Variants in GRB10 observed in about 807,000 individuals in gnomAD.
GRB10 encodes growth factor receptor bound protein 10.
A neutral mutation model predicts 80.9 loss-of-function variants in GRB10; 20 were observed. That is an observed-to-expected ratio of 0.25 (90% CI 0.17 to 0.36). The LOEUF is 0.36. Ranked by LOEUF, GRB10 falls within the 10% of genes least tolerant of loss-of-function variation. The pLI, the probability that GRB10 is intolerant of heterozygous loss-of-function variation, is 1.00. For missense variants in GRB10, 548 were observed against 747.7 expected (o/e 0.73, Z 3.12); for synonymous variants, 291 against 291.5 (o/e 1.00, Z 0.02).
intron 6 of GRB10, among the ~76,000 whole-genome samples, chr7:50,673,880 C>T (rs939996550): frequency 3.9e-5 from 6 of 152,208 alleles, no homozygotes; most frequent in African/African-American, 1.4e-4. Context: ...CACCCTTTGA[C>T]ATCCGTTCAG....
In GRB10 at chr7:50,604,384, A is replaced by G. The variant is rs1475943971; in HGVS notation, c.1390-7T>C. The G allele has an allele frequency of 6.2e-7, 1 of 1,611,082 alleles. No individual in the cohort carries two copies. Among genetic ancestry groups the G allele is most frequent in the Non-Finnish European group, 8.5e-7 (1 of 1,178,284 alleles). ...TCATCCGTGTGCTTCGCTTCTGCAA[A>G]AGAAATCCCACATTAGCACCGAGGA... is the stretch of plus-strand genomic sequence containing the variant. On this transcript the variant is annotated splice_region_variant and splice_polypyrimidine_tract_variant and intron_variant, in intron 15 of 18. Transcript: ENST00000401949.
intron 7 of GRB10, among the ~76,000 whole-genome samples, chr7:50,654,411 C>G (rs1586421859): frequency 1.3e-5 from 2 of 152,188 alleles, no homozygotes; most frequent in Non-Finnish European, 2.9e-5. Flanking sequence ...GCAAGGGCAC[C>G]TCTGCAGAGC....
rs71018485 is a variant in GRB10 at position 50,777,429 on chromosome 7, TACACAC to T, written c.-217+3192_-217+3197del. 3.6e-3 allele frequency among the ~76,000 whole-genome samples: 531 copies of T among 146,270 alleles called. 4 individuals are homozygous for T. Among genetic ancestry groups the T allele is most frequent in the African/African-American group, 5.6e-3 (222 of 39,430 alleles). On this transcript the variant is annotated intron_variant, in intron 2 of 18. Transcript: ENST00000401949. ...TACATTCAGACCACAGCAATCTGTA[TACACAC>T]ACACACACACACACACACACACACC...
intron 4 of GRB10, among the ~76,000 whole-genome samples, chr7:50,721,772 G>T (rs2067790734): frequency 1.3e-5 from 2 of 152,160 alleles, no homozygotes; most frequent in Admixed American, 1.3e-4. Context: ...GGCTGAGGAT[G>T]GGGGAGGACA....
At chr7:50,766,601 TA>T (rs5884169) in intron 2 of GRB10, among the ~76,000 whole-genome samples, 114,087 of 151,938 alleles carry the variant, frequency 0.75, 43,298 homozygotes, top group Middle Eastern at 0.89. Flanking sequence ...GTGCGAGGAG[TA>T]AATAGTTTGG....
intron 4 of GRB10, chr7:50,725,904 AGGAAAAACCAGACAGT>A (rs1236465035): frequency 6.6e-6 from 1 of 152,238 alleles, no homozygotes; most frequent in Non-Finnish European, 1.5e-5. Flanking sequence ...CACGGTGCCA[AGGAAAAACCAGACAGT>A]GGAATGGTTA....
At chr7:50,653,268 G>A (rs2058209840) in intron 7 of GRB10, among the ~76,000 whole-genome samples, 1 of 152,210 alleles carries the variant, frequency 6.6e-6, no homozygotes, top group South Asian at 2.1e-4. Context: ...GCAGCAGGAG[G>A]TAGCCACAGC....
intron 2 of GRB10, among the ~76,000 whole-genome samples, chr7:50,777,431 C>T (rs79621057): frequency 2.8e-5 from 3 of 105,748 alleles, no homozygotes; most frequent in African/African-American, 1.1e-4. Flanking sequence ...AATCTGTATA[C>T]ACACACACAC....
chr7:50,650,190 T>C (rs901581073), intron 7 of GRB10, among the ~76,000 whole-genome samples: 2 of 152,176 alleles, frequency 1.3e-5, no homozygotes, highest in African/African-American at 4.8e-5. Context: ...AGCAAGTTTC[T>C]AGGAATCAAA....
Position 50,606,411 on chromosome 7 carries a change from C to T in GRB10, c.1198G>A (p.Gly400Arg), listed in dbSNP as rs2048531980. 1 of 1,613,488 alleles carries T rather than the reference C, an allele frequency of 6.2e-7. No individual in the cohort carries two copies. Among genetic ancestry groups the T allele is most frequent in the African/African-American group, 1.3e-5 (1 of 74,900 alleles). The change falls in exon 14 of 19, where the codon GGA becomes AGA. Residue 400 changes from glycine (G) to arginine (R), a missense_variant. Gly to Arg is a moderately radical substitution (Grantham distance 125, BLOSUM62 -2). This residue lies in a region of GRB10 where 270 missense variants were observed against 433.6 expected (regional missense o/e 0.62). Transcript: ENST00000401949. ...WMTAFRLLKY[G>R]MLLYQNYRIP... ...CGGTAATTCTGGTAAAGGAGCATTC[C>T]ATACTGGAGAGGAGAAGCCACAGTT... is the stretch of plus-strand genomic sequence containing the variant.
chr7:50,636,040 C>T (rs2054961212), intron 7 of GRB10, among the ~76,000 whole-genome samples: 2 of 127,978 alleles, frequency 1.6e-5, no homozygotes, highest in Admixed American at 1.9e-4. Context: ...TGCAGTGGTG[C>T]AATCTCAGCT....
intron 4 of GRB10, among the ~76,000 whole-genome samples, chr7:50,715,647 C>T (rs2066736915): frequency 6.6e-6 from 1 of 152,150 alleles, no homozygotes; most frequent in African/African-American, 2.4e-5. Flanking sequence ...GTTTTTGGAC[C>T]ATATGACGTC....
intron 4 of GRB10, among the ~76,000 whole-genome samples, chr7:50,720,453 C>T (rs116112360): frequency 1.1e-3 from 170 of 152,134 alleles, no homozygotes; most frequent in African/African-American, 4.0e-3. Context: ...GACTCATAAC[C>T]GGTGGCAGCA....
intron 8 of GRB10, among the ~76,000 whole-genome samples, chr7:50,619,519 T>G (rs2051270133): frequency 6.6e-6 from 1 of 152,256 alleles, no homozygotes; most frequent in South Asian, 2.1e-4. Flanking sequence ...TATATACTTT[T>G]TGAATTTGGC....
intron 2 of GRB10, among the ~76,000 whole-genome samples, chr7:50,775,057 A>G (rs2077441191): frequency 6.6e-6 from 1 of 150,738 alleles, no homozygotes; most frequent in African/African-American, 2.4e-5. Flanking sequence ...GCTACTCAGC[A>G]GGCTGAAGTG....
intron 3 of GRB10, among the ~76,000 whole-genome samples, chr7:50,750,091 G>A (rs888407426): frequency 1.3e-5 from 2 of 152,184 alleles, no homozygotes; most frequent in African/African-American, 4.8e-5. Context: ...AACCTATTTC[G>A]TGAAGACAGT....
At chr7:50,721,834 G>A (rs1426606974) in intron 4 of GRB10, among the ~76,000 whole-genome samples, 5 of 152,202 alleles carry the variant, frequency 3.3e-5, no homozygotes, top group African/African-American at 1.2e-4. Flanking sequence ...ACTGGCTGCA[G>A]GAATGCAAGA....
In GRB10 at chr7:50,669,809, G is replaced by A; in HGVS notation, c.417C>T (p.Pro139=). 6.2e-7 allele frequency: 1 copy of A among 1,613,966 alleles called. No homozygotes were observed. Among genetic ancestry groups the A allele is most frequent in the Admixed American group, 1.7e-5 (1 of 60,008 alleles). Residue 139 remains proline, a synonymous_variant, in exon 7 of 19, where the codon CCC becomes CCT. Coordinates refer to ENST00000401949, the MANE Select transcript of GRB10 (RefSeq NM_001350814.2). ...QFRTSSLPAI[P]NPFPELCGPG... is the part of the protein sequence containing the mutation. ...GGCCACAGAGTTCAGGAAAAGGATT[G>A]GGGATGGCCGGCAGAGATGAGGTTC... is the stretch of plus-strand genomic sequence containing the variant.
chr7:50,732,268 A>G lies in GRB10; in HGVS notation c.51+4T>C, dbSNP rs767272906. On this transcript the variant is annotated splice_donor_region_variant and intron_variant, in intron 4 of 18. Transcript: ENST00000401949. ...CAGGATCAGATATATGTGCTCGCCC[A>G]TACCTGGTAGTACGGATGGTGCAAA... 1.9e-6 allele frequency: 3 copies of G among 1,613,894 alleles called. No individual in the cohort carries two copies. Among genetic ancestry groups the G allele is most frequent in the Non-Finnish European group, 2.5e-6 (3 of 1,179,840 alleles).
Sources: allele counts gnomAD v4.1 joint callset (sites outside exome capture counted in the v4.1 genomes callset), GRCh38; gene constraint gnomAD v4.1.1; regional missense constraint gnomAD v4.1.1; transcripts MANE v1.5; gene names NCBI Gene and HGNC (gene_info 2026-07-23, HGNC 2026-07-21).